Variants in C1orf21 observed in about 807,000 individuals in gnomAD.
The protein encoded by C1orf21 is uncharacterized protein C1orf21.
C1orf21 carries 3 observed loss-of-function variants against 18.7 expected under a neutral mutation model. The ratio of observed to expected loss-of-function variants is 0.16; its 90% CI spans 0.07 to 0.42. The LOEUF is 0.42. Ranked by LOEUF, C1orf21 falls within the 10% of genes least tolerant of loss-of-function variation. C1orf21 has a pLI of 0.99. For synonymous variants in C1orf21, 41 were observed against 46.4 expected (o/e 0.88, Z 0.47); for missense variants, 104 against 143.6 (o/e 0.72, Z 1.41).
intron 1 of C1orf21, among the ~76,000 whole-genome samples, chr1:184,398,144 T>A (rs1656091919): frequency 6.6e-6 from 1 of 152,204 alleles, no homozygotes. Flanking sequence ...TGATCTTGAA[T>A]GACAACGGCA....
chr1:184,465,361 G>A (rs937932490), intron 1 of C1orf21, among the ~76,000 whole-genome samples: 2 of 152,212 alleles, frequency 1.3e-5, no homozygotes, highest in Admixed American at 6.5e-5. Flanking sequence ...GACTATGTGA[G>A]TTTTTTTCTC....
chr1:184,425,409 G>T (rs796755984), intron 1 of C1orf21, among the ~76,000 whole-genome samples: 5 of 152,116 alleles, frequency 3.3e-5, no homozygotes, highest in African/African-American at 4.8e-5. Context: ...GAGACTACAG[G>T]CATGTGCCAC....
rs76389718 is a variant in C1orf21 at position 184,455,958 on chromosome 1, T to A, written c.-124-21428T>A. ...CCTGAGAGGAATGTGTCTATGTAGC[T>A]TGAGTCATGTGAGTATACAGTTGTA... is the stretch of plus-strand genomic sequence containing the variant. On this transcript the variant is annotated intron_variant, in intron 1 of 5. Coordinates refer to ENST00000235307, the MANE Select transcript of C1orf21 (RefSeq NM_030806.4). Among the ~76,000 whole-genome samples the A allele has an allele frequency of 2.2e-3, 338 of 152,318 alleles. 3 individuals are homozygous for A. Among genetic ancestry groups the A allele is most frequent in the Admixed American group, 0.018 (279 of 15,280 alleles).
At chr1:184,507,080 A>G (rs997949555) in intron 2 of C1orf21, among the ~76,000 whole-genome samples, 9 of 151,882 alleles carry the variant, frequency 5.9e-5, no homozygotes, top group African/African-American at 1.9e-4. Context: ...GAAAAGTCTC[A>G]ATTCTTCAGT....
At chr1:184,476,533 T>A (rs74515913) in intron 1 of C1orf21, among the ~76,000 whole-genome samples, 1 of 152,152 alleles carries the variant, frequency 6.6e-6, no homozygotes. Flanking sequence ...CACTCAGAAT[T>A]TGAGGAGCCA....
intron 1 of C1orf21, among the ~76,000 whole-genome samples, chr1:184,435,984 T>A (rs1299142145): frequency 6.6e-6 from 1 of 152,122 alleles, no homozygotes; most frequent in Non-Finnish European, 1.5e-5. Flanking sequence ...GCCATTGCTG[T>A]GGGGTCAGAA....
Position 184,628,363 on chromosome 1 carries a change from G to T in C1orf21, c.*8807G>T, listed in dbSNP as rs1660051556. On this transcript the variant is annotated 3_prime_UTR_variant, in exon 6 of 6. Transcript: ENST00000235307. ...CAGCATAGAAACTTTAAATGAATAA[G>T]ACACAAAATATTATAAACAGAGGTT... is the stretch of plus-strand genomic sequence containing the variant. The T allele has an allele frequency of 6.6e-6, 1 of 152,132 alleles. No homozygotes were observed. Among genetic ancestry groups the T allele is most frequent in the African/African-American group, 2.4e-5 (1 of 41,436 alleles). 9.4% of individuals were successfully genotyped at this position (152,132 alleles called of 1,614,324 possible).
intron 1 of C1orf21, among the ~76,000 whole-genome samples, chr1:184,449,370 G>A (rs1307502318): frequency 6.6e-6 from 1 of 152,126 alleles, no homozygotes; most frequent in Admixed American, 6.5e-5. Flanking sequence ...CCCTACAAAG[G>A]ACATGAACTC....
chr1:184,543,884 T>C (rs1388646871), intron 3 of C1orf21, among the ~76,000 whole-genome samples: 2 of 152,192 alleles, frequency 1.3e-5, no homozygotes, highest in Non-Finnish European at 2.9e-5. Context: ...ATCATTTTTT[T>C]TCAGAACCAT....
rs529817325 is a variant in C1orf21, at chr1:184,597,436, G to A, written c.267-965G>A. Among the ~76,000 whole-genome samples, 3 of 152,248 alleles carry A rather than the reference G, an allele frequency of 2.0e-5. No homozygotes were observed. The South Asian group carries it at 6.2e-4, about 32-fold the overall frequency. On this transcript the variant is annotated intron_variant, in intron 4 of 5. Transcript: ENST00000235307. Reference sequence around the variant, plus strand: ...CCTCCTTGTGGCCCCTAAAGGATAAGGCATGATGGTAAAGGGTACATTTCA... The same window carrying A: ...CCTCCTTGTGGCCCCTAAAGGATAAAGCATGATGGTAAAGGGTACATTTCA...
Position 184,552,761 on chromosome 1 carries a change from G to C in C1orf21, c.190-37978G>C, listed in dbSNP as rs570980211. Among the ~76,000 whole-genome samples, 5 of 152,184 alleles carry C rather than the reference G, an allele frequency of 3.3e-5. No homozygotes were observed. The South Asian group carries it at 1.0e-3, about 32-fold the overall frequency. ...TCCAATTTTGTAGATAAACAGCAGAGAGAGAAAAAAATGACATAGGAAACA... is the reference window on the plus strand; with the variant it reads ...TCCAATTTTGTAGATAAACAGCAGACAGAGAAAAAAATGACATAGGAAACA... On this transcript the variant is annotated intron_variant, in intron 3 of 5. Coordinates refer to ENST00000235307, the MANE Select transcript of C1orf21 (RefSeq NM_030806.4).
At chr1:184,404,301 TTG>T (rs1656209441) in intron 1 of C1orf21, among the ~76,000 whole-genome samples, 1 of 152,224 alleles carries the variant, frequency 6.6e-6, no homozygotes. Flanking sequence ...TTAGTCCATT[TTG>T]TGCTGCTATA....
intron 5 of C1orf21, among the ~76,000 whole-genome samples, chr1:184,614,530 C>T (rs1659788651): frequency 6.6e-6 from 1 of 151,626 alleles, no homozygotes; most frequent in Non-Finnish European, 1.5e-5. Context: ...CTTTCTGGCA[C>T]CAGGGACTGG....
At chr1:184,390,073 A>T (rs1234344667) in intron 1 of C1orf21, among the ~76,000 whole-genome samples, 1 of 152,132 alleles carries the variant, frequency 6.6e-6, no homozygotes. Flanking sequence ...CCGGAGGGAG[A>T]TTGTAGGATA....
chr1:184,539,886 C>T (rs1038147170), intron 3 of C1orf21: 2 of 152,184 alleles, frequency 1.3e-5, no homozygotes, highest in African/African-American at 4.8e-5. Flanking sequence ...ACCATGGTGA[C>T]CTGCAAAGTT....
chr1:184,600,861 C>G (rs1301769263), intron 5 of C1orf21, among the ~76,000 whole-genome samples: 1 of 152,156 alleles, frequency 6.6e-6, no homozygotes, highest in East Asian at 1.9e-4. Context: ...TTTGAATATG[C>G]TATCTTATGT....
chr1:184,534,002 G>A (rs899462106), intron 3 of C1orf21, among the ~76,000 whole-genome samples: 2 of 152,192 alleles, frequency 1.3e-5, no homozygotes, highest in East Asian at 1.9e-4. Flanking sequence ...AGTGGGGTGG[G>A]ATCTGTCTGA....
intron 3 of C1orf21, among the ~76,000 whole-genome samples, chr1:184,511,145 G>T (rs1235394915): frequency 6.6e-6 from 1 of 152,092 alleles, no homozygotes; most frequent in African/African-American, 2.4e-5. Context: ...AAAATATAAG[G>T]TATCCATCCA....
intron 1 of C1orf21, among the ~76,000 whole-genome samples, chr1:184,472,042 T>A (rs944142918): frequency 1.3e-5 from 2 of 152,196 alleles, no homozygotes; most frequent in African/African-American, 4.8e-5. Context: ...ACTTTTAAGT[T>A]GCCTTTCTTC....
Sources: allele counts gnomAD v4.1 joint callset (sites outside exome capture counted in the v4.1 genomes callset), GRCh38; gene constraint gnomAD v4.1.1; transcripts MANE v1.5; gene names NCBI Gene and HGNC (gene_info 2026-07-23, HGNC 2026-07-21).